Variants in TNK2 observed in about 807,000 individuals in gnomAD.
The protein encoded by TNK2 is tyrosine kinase non receptor 2.
Under a neutral mutation model 101.8 loss-of-function variants are expected in TNK2, and 83 were observed. That is an observed-to-expected ratio of 0.82 (90% confidence interval 0.68 to 0.98). The LOEUF is 0.98. TNK2 is among the 50% of genes least tolerant of loss of function. The pLI is 0.00. For missense variants in TNK2, 1,665 were observed against 1,483.2 expected, an observed-to-expected ratio of 1.12 and a Z score of -2.01; for synonymous variants, 804 against 633.0, an observed-to-expected ratio of 1.27 and a Z score of -4.06.
chr3:195,872,244 C>T, intron 10 of TNK2, 32 bp downstream of exon 10: 2 of 1,611,020 alleles, frequency 1.2e-6, no homozygotes, highest in Non-Finnish European at 1.7e-6. Context: ...CGAGCGGGGC[C>T]AGGTCAGCAT....
rs549133820 is a variant in TNK2, at chr3:195,868,546, C to T, written c.1752G>A (p.Thr584=). Residue 584 remains threonine (T), a synonymous_variant, in exon 13 of 16, where the codon ACG becomes ACA. Transcript: ENST00000672887. ...CGGGCTCCTCACCGAAGTCGATGAG[C>T]GTGACCTCAGCCCCGCTGCCTCGGC... is the stretch of plus-strand genomic sequence containing the variant. ...KASRGSGAEV[T]LIDFGEEPVV... 129 of 1,570,044 alleles carry T rather than the reference C, an allele frequency of 8.2e-5. No individual in the cohort carries two copies. Among genetic ancestry groups the T allele is most frequent in the East Asian group, 1.2e-4 (5 of 43,026 alleles).
At chr3:195,868,781 T>A (rs1742710689) in intron 12 of TNK2, 72 bp from the exon 13 acceptor site, 2 of 1,458,728 alleles carry the variant, frequency 1.4e-6, no homozygotes, top group Non-Finnish European at 1.8e-6. Context: ...AGGTGGCACG[T>A]GGGAGAGAAA....
chr3:195,896,713 A>G (rs1383317905), intron 1 of TNK2: 1 of 152,732 alleles, frequency 6.5e-6, no homozygotes, highest in African/African-American at 2.4e-5. Context: ...GTACCATCCT[A>G]TCGTAAGACA....
chr3:195,892,089 A>G (rs1265319508), intron 1 of TNK2: 3 of 819,956 alleles, frequency 3.7e-6, no homozygotes, highest in African/African-American at 3.6e-5. Context: ...CTCCAGCCCA[A>G]GGTTCTTTGT....
At position 195,868,206 on chromosome 3, in the gene TNK2, G is replaced by A; in HGVS notation, c.2092C>T (p.Leu698=). The change falls in exon 13 of 16, where the codon CTG becomes TTG. Residue 698 remains leucine (L), a synonymous_variant. Transcript: ENST00000672887. ...VPEQARPPPP[L]EDNLFLPPQG... ...GGCGGGAGGAACAGGTTGTCCTCCA[G>A]GGGAGGGGGCGGCCGCGCCTGCTCA... is the stretch of plus-strand genomic sequence containing the variant. The A allele has an allele frequency of 6.2e-7, 1 of 1,608,400 alleles. No homozygotes were observed. The highest frequency in any genetic ancestry group is 8.5e-7 in the Non-Finnish European group (1 of 1,178,956).
intron 13 of TNK2, 42 bp downstream of exon 13, chr3:195,867,319 G>A (rs1201791955): frequency 6.2e-7 from 1 of 1,610,242 alleles, no homozygotes. Context: ...CAGGCCCCTT[G>A]GGCCCTGCCC....
rs1437657563 is a variant in TNK2 at position 195,864,206 on chromosome 3, C to A, written c.3162-19G>T. On this transcript the variant is annotated intron_variant, in intron 15 of 15. Transcript: ENST00000672887. ...TCAGCGCCTAGAGAATGGGAAACCA[C>A]CAGCACAGTTAAACAGTTTACAGAA... 6.2e-7 allele frequency: 1 copy of A among 1,613,866 alleles called. No homozygotes were observed. Among genetic ancestry groups the A allele is most frequent in the East Asian group, 2.2e-5 (1 of 44,890 alleles).
intron 15 of TNK2, among the ~76,000 whole-genome samples, chr3:195,865,334 G>A (rs1184194244): frequency 2.1e-5 from 3 of 142,180 alleles, no homozygotes; most frequent in African/African-American, 2.6e-5. Flanking sequence ...GTGACAGCGA[G>A]TGCCTGCGTC....
intron 1 of TNK2, among the ~76,000 whole-genome samples, chr3:195,897,419 G>A (rs1454159234): frequency 1.3e-5 from 2 of 152,252 alleles, no homozygotes; most frequent in African/African-American, 4.8e-5. Flanking sequence ...GGGCCTGGCA[G>A]CTGAGGTCCT....
intron 6 of TNK2, among the ~76,000 whole-genome samples, chr3:195,880,056 G>C (rs1751540653): frequency 6.6e-6 from 1 of 152,126 alleles, no homozygotes; most frequent in African/African-American, 2.4e-5. Flanking sequence ...CATAAGGGTT[G>C]CCCACAGCCA....
intron 1 of TNK2, among the ~76,000 whole-genome samples, chr3:195,896,525 G>A (rs778835359): frequency 7.9e-5 from 12 of 152,204 alleles, no homozygotes; most frequent in Admixed American, 2.6e-4. Flanking sequence ...TCTTACTGCA[G>A]CTAAAGGCAC....
At chr3:195,866,609 C>G (rs899624076) in intron 15 of TNK2, among the ~76,000 whole-genome samples, 2 of 152,356 alleles carry the variant, frequency 1.3e-5, no homozygotes, top group Non-Finnish European at 2.9e-5. Flanking sequence ...TGGAGCCGCT[C>G]AGGGTCACTG....
chr3:195,870,271 A>T (rs779254371), intron 10 of TNK2, 66 bp from the exon 11 acceptor site: 1 of 1,590,558 alleles, frequency 6.3e-7, no homozygotes, highest in Non-Finnish European at 8.6e-7. Context: ...GAATCTCATC[A>T]GAGCCCCTTC....
chr3:195,878,175 A>G lies in TNK2; in HGVS notation c.1256+78T>C. The stretch of plus-strand genomic sequence containing the variant: ...GTGGCCAAGGGAATCTTGGAGGCCA[A>G]ACAGATCTGTCCACAGGTCCCTCCG... On this transcript the variant is annotated intron_variant, in intron 9 of 15. Coordinates refer to ENST00000672887, the MANE Select transcript of TNK2 (RefSeq NM_001382273.1). This position sits in a 1 kb window ranked among gnomAD's most constrained non-coding sequence, Gnocchi z 4.7. 9.4e-6 allele frequency: 14 copies of G among 1,492,060 alleles called. No homozygotes were observed. Among genetic ancestry groups the G allele is most frequent in the Admixed American group, 1.7e-5 (1 of 59,686 alleles). The allele number at this position is 1,492,060 out of a possible 1,614,324, so 92.4% of individuals were successfully genotyped here.
chr3:195,884,638 C>CAT (rs1303123310), intron 4 of TNK2, 174 bp downstream of exon 4: 11 of 614,210 alleles, frequency 1.8e-5, no homozygotes, highest in Non-Finnish European at 2.7e-5. Flanking sequence ...AGCGAGACTC[C>CAT]ATCTCAAAAA....
chr3:195,906,853 G>C (rs1333919881), intron 1 of TNK2, among the ~76,000 whole-genome samples: 2 of 152,096 alleles, frequency 1.3e-5, no homozygotes, highest in African/African-American at 4.8e-5. Context: ...GGGGCCAGAG[G>C]GAACAGTCTG....
intron 1 of TNK2, among the ~76,000 whole-genome samples, chr3:195,902,646 TAAA>T (rs60167945): frequency 0.011 from 1,292 of 120,476 alleles, 25 homozygotes; most frequent in African/African-American, 0.035. Flanking sequence ...AAAACAAACA[TAAA>T]AAAAAAAAAA....
rs948843682 is a variant in TNK2 at position 195,863,796 on chromosome 3, G to A, written c.*385C>T. ...TGGCCAACACATCCCGCCTGCCCAGGTCCAGCCTGGTTTCCTCCCAGTCTG... is the reference window on the plus strand; with the variant it reads ...TGGCCAACACATCCCGCCTGCCCAGATCCAGCCTGGTTTCCTCCCAGTCTG... On this transcript the variant is annotated 3_prime_UTR_variant, in exon 16 of 16. Coordinates refer to ENST00000672887, the MANE Select transcript of TNK2 (RefSeq NM_001382273.1). 3 of 230,286 alleles carry A rather than the reference G, an allele frequency of 1.3e-5. No individual in the cohort carries two copies. The highest frequency in any genetic ancestry group is 1.7e-5 in the Non-Finnish European group (2 of 117,952). The allele number at this position is 230,286 out of a possible 1,614,324, so 14.3% of individuals were successfully genotyped here.
chr3:195,889,409 G>A (rs181377833), intron 1 of TNK2, among the ~76,000 whole-genome samples: 19 of 152,274 alleles, frequency 1.2e-4, no homozygotes, highest in Middle Eastern at 6.8e-3. Context: ...ATATTCAGAA[G>A]GCACACTGAG....
Sources: allele counts gnomAD v4.1 joint callset (sites outside exome capture counted in the v4.1 genomes callset), GRCh38; gene constraint gnomAD v4.1.1; non-coding constraint Gnocchi (gnomAD v3.1); transcripts MANE v1.5; gene names NCBI Gene and HGNC (gene_info 2026-07-23, HGNC 2026-07-21).